The following CAMK4 variants were observed in gnomAD, a reference collection of about 807,000 sequenced individuals.
CAMK4 encodes calcium/calmodulin-dependent protein kinase type IV.
A neutral mutation model predicts 44.9 loss-of-function variants in CAMK4; 22 were observed. The observed-to-expected ratio is 0.49, with a 90% CI of 0.35 to 0.70. The LOEUF is 0.70. Among genes scored for constraint, CAMK4 ranks in the 30% least tolerant of loss-of-function variants. CAMK4 has a pLI of 0.01. For synonymous variants in CAMK4, 218 were observed against 215.4 expected (o/e 1.01, Z -0.11); for missense variants, 498 against 586.8 (o/e 0.85, Z 1.56).
chr5:111,266,187 T>C (rs1024977306), intron 1 of CAMK4: 26 of 122,816 alleles, frequency 2.1e-4, no homozygotes, highest in African/African-American at 7.8e-4. Context: ...CCTAAATAAA[T>C]ATATTCACAC....
intron 1 of CAMK4, among the ~76,000 whole-genome samples, chr5:111,288,761 G>A (rs758290625): frequency 6.6e-6 from 1 of 152,114 alleles, no homozygotes; most frequent in African/African-American, 2.4e-5. Flanking sequence ...AATAGTAAGG[G>A]GAATAAAACA....
intron 1 of CAMK4, among the ~76,000 whole-genome samples, chr5:111,326,706 C>T (rs1748905973): frequency 6.6e-6 from 1 of 150,618 alleles, no homozygotes; most frequent in African/African-American, 2.4e-5. Context: ...TACAAAGAAA[C>T]ATTCTGTGAA....
intron 1 of CAMK4, among the ~76,000 whole-genome samples, chr5:111,308,382 T>C (rs1021464346): frequency 6.6e-6 from 1 of 152,158 alleles, no homozygotes; most frequent in Non-Finnish European, 1.5e-5. Flanking sequence ...ATAAAACATA[T>C]AAAATAGGTG....
chr5:111,465,172 C>T (rs767794983), intron 7 of CAMK4, among the ~76,000 whole-genome samples: 4 of 151,928 alleles, frequency 2.6e-5, no homozygotes, highest in Non-Finnish European at 5.9e-5. Flanking sequence ...GATGGTGTTG[C>T]CTAAGGATCA....
Position 111,457,624 on chromosome 5 carries a change from C to T in CAMK4, c.625+8421C>T, listed in dbSNP as rs936229527. Among the ~76,000 whole-genome samples the T allele has an allele frequency of 7.9e-5, 12 of 152,248 alleles. No homozygotes were observed. The East Asian group carries it at 1.3e-3, about 17-fold the overall frequency. On this transcript the variant is annotated intron_variant, in intron 7 of 10. Transcript: ENST00000282356. ...GAAGAGATCTCTGCTTAACTCTTAA[C>T]AAAACAGAAAGTTGGGTTAGCCAAT...
chr5:111,242,524 C>A (rs1483434120), intron 1 of CAMK4, among the ~76,000 whole-genome samples: 1 of 152,062 alleles, frequency 6.6e-6, no homozygotes, highest in Non-Finnish European at 1.5e-5. Context: ...GTATTTAAAT[C>A]TTGTCTCTAA....
At chr5:111,226,527 G>A (rs2112484944) in intron 1 of CAMK4, among the ~76,000 whole-genome samples, 1 of 152,348 alleles carries the variant, frequency 6.6e-6, no homozygotes, top group Admixed American at 6.5e-5. Context: ...AAACGTTGTA[G>A]CTTAGCCTAG....
chr5:111,481,180 A>G (rs1423942948), intron 9 of CAMK4, among the ~76,000 whole-genome samples: 1 of 152,216 alleles, frequency 6.6e-6, no homozygotes, highest in Non-Finnish European at 1.5e-5. Flanking sequence ...CTTTCAATAA[A>G]TTCTTTGTAT....
Position 111,430,334 on chromosome 5 carries a change from T to C in CAMK4, c.460-16352T>C, listed in dbSNP as rs1001666398. Among the ~76,000 whole-genome samples, 7 of 152,260 alleles carry C rather than the reference T, an allele frequency of 4.6e-5. 1 individual carries two copies. The East Asian group carries it at 5.8e-4, about 13-fold the overall frequency. On this transcript the variant is annotated intron_variant, in intron 5 of 10. Transcript: ENST00000282356. ...GAACATACCTCAACATAACCATATA[T>C]GACTGACCCACAGCTAGTATTATAC...
chr5:111,441,882 T>C (rs192095958), intron 5 of CAMK4, among the ~76,000 whole-genome samples: 2 of 152,336 alleles, frequency 1.3e-5, no homozygotes, highest in East Asian at 3.9e-4. Context: ...TCATAAAATA[T>C]CTTTGCACAT....
At chr5:111,426,019 C>T (rs1753213687) in intron 5 of CAMK4, among the ~76,000 whole-genome samples, 1 of 151,960 alleles carries the variant, frequency 6.6e-6, no homozygotes, top group Non-Finnish European at 1.5e-5. Context: ...ATCCTTGAAT[C>T]CTTGAAATCA....
chr5:111,276,964 T>C (rs967173006), intron 1 of CAMK4, among the ~76,000 whole-genome samples: 4 of 152,186 alleles, frequency 2.6e-5, no homozygotes, highest in African/African-American at 9.7e-5. Context: ...GATCTTAAAA[T>C]TGCTGTTCCT....
At chr5:111,266,529 A>T (rs1382503171) in intron 1 of CAMK4, among the ~76,000 whole-genome samples, 2 of 152,214 alleles carry the variant, frequency 1.3e-5, no homozygotes, top group Non-Finnish European at 2.9e-5. Context: ...TGGTCTCCTT[A>T]TTATGAATTA....
In CAMK4 at chr5:111,487,289, T is replaced by C. The variant is rs188426034; in HGVS notation, c.*2823T>C. On this transcript the variant is annotated 3_prime_UTR_variant, in exon 11 of 11. Transcript: ENST00000282356. Reference sequence around the variant, plus strand: ...TCACATTACATTATGGGTTTTTATTTTGAGATAAGTTCAGCTACATAGCAT... The same window carrying C: ...TCACATTACATTATGGGTTTTTATTCTGAGATAAGTTCAGCTACATAGCAT... 1 of 152,324 alleles carries C rather than the reference T, an allele frequency of 6.6e-6. No individual in the cohort carries two copies. Among genetic ancestry groups the C allele is most frequent in the African/African-American group, 2.4e-5 (1 of 41,576 alleles). 9.4% of individuals were successfully genotyped at this position (152,324 alleles called of 1,614,324 possible).
In CAMK4 at chr5:111,490,653, C is replaced by G. The variant is rs1755787308; in HGVS notation, c.*6187C>G. The G allele has an allele frequency of 6.6e-6, 1 of 152,108 alleles. No homozygotes were observed. Among genetic ancestry groups the G allele is most frequent in the Non-Finnish European group, 1.5e-5 (1 of 68,026 alleles). 9.4% of individuals were successfully genotyped at this position (152,108 alleles called of 1,614,324 possible). On this transcript the variant is annotated 3_prime_UTR_variant, in exon 11 of 11. Coordinates refer to ENST00000282356, the MANE Select transcript of CAMK4 (RefSeq NM_001744.6). ...GAAAACTATCATCTCATACTGCCTC[C>G]TTTTAACCTGACCTATTTTATATAC...
In CAMK4 at chr5:111,328,304, A is replaced by G. The variant is rs528232171; in HGVS notation, c.162-15720A>G. Among the ~76,000 whole-genome samples, 1,068 of 151,698 alleles carry G rather than the reference A, an allele frequency of 7.0e-3. 12 individuals are homozygous for G. The highest frequency in any genetic ancestry group is 0.024 in the African/African-American group (987 of 41,296). On this transcript the variant is annotated intron_variant, in intron 1 of 10. Transcript: ENST00000282356. ...ATTGCTTGTTTTTGTCAGGTTTGTCAAAGATCAGATAGTTGTAGATATGTG... is the reference window on the plus strand; with the variant it reads ...ATTGCTTGTTTTTGTCAGGTTTGTCGAAGATCAGATAGTTGTAGATATGTG...
intron 1 of CAMK4, among the ~76,000 whole-genome samples, chr5:111,237,340 C>T (rs1397319586): frequency 6.6e-6 from 1 of 152,196 alleles, no homozygotes; most frequent in African/African-American, 2.4e-5. Flanking sequence ...CTAGTCCCAA[C>T]CATGTGTGCA....
intron 5 of CAMK4, among the ~76,000 whole-genome samples, chr5:111,426,914 A>C (rs904399552): frequency 2.0e-5 from 3 of 152,168 alleles, no homozygotes; most frequent in Non-Finnish European, 4.4e-5. Flanking sequence ...TAAACTTGCA[A>C]GGCAGTCTAG....
At chr5:111,346,059 G>T (rs1203830624) in intron 2 of CAMK4, among the ~76,000 whole-genome samples, 2 of 151,974 alleles carry the variant, frequency 1.3e-5, no homozygotes, top group East Asian at 3.9e-4. Context: ...CATGCACAGA[G>T]ATGTGTAAAC....
Sources: allele counts gnomAD v4.1 joint callset (sites outside exome capture counted in the v4.1 genomes callset), GRCh38; gene constraint gnomAD v4.1.1; transcripts MANE v1.5; gene names NCBI Gene and HGNC (gene_info 2026-07-23, HGNC 2026-07-21).